The following KAZN variants were observed in gnomAD, a reference collection of about 807,000 sequenced individuals.
KAZN encodes kazrin, periplakin interacting protein.
Under a neutral mutation model 87.4 loss-of-function variants are expected in KAZN, and 40 were observed. The observed-to-expected ratio is 0.46, with a 90% CI of 0.36 to 0.60. The LOEUF (loss-of-function observed/expected upper bound fraction) is 0.60, where lower values mean the gene tolerates loss of function less well. KAZN is among the 20% of genes least tolerant of loss of function. KAZN has a pLI of 0.00. For missense variants in KAZN, 898 were observed against 1,073.9 expected (o/e 0.84, Z 2.29); for synonymous variants, 466 against 458.3 (o/e 1.02, Z -0.22).
intron 1 of KAZN, among the ~76,000 whole-genome samples, chr1:14,157,904 G>A (rs1645630553): frequency 6.6e-6 from 1 of 152,154 alleles, no homozygotes; most frequent in South Asian, 2.1e-4. Context: ...GAAGGGGAAA[G>A]AGCCCTTATA....
intron 1 of KAZN, among the ~76,000 whole-genome samples, chr1:14,091,410 G>C (rs975709907): frequency 1.3e-5 from 2 of 152,004 alleles, no homozygotes; most frequent in Admixed American, 6.6e-5. Flanking sequence ...GGAAACTGTT[G>C]CTATAAGTGT....
intron 2 of KAZN, among the ~76,000 whole-genome samples, chr1:14,425,145 G>A (rs764812761): frequency 2.6e-5 from 4 of 152,160 alleles, no homozygotes; most frequent in Non-Finnish European, 5.9e-5. Context: ...TTCATCAGAG[G>A]CCAACCTGAA....
At chr1:14,885,741 G>A (rs1373143804) in intron 1 of KAZN, among the ~76,000 whole-genome samples, 3 of 152,102 alleles carry the variant, frequency 2.0e-5, no homozygotes, top group Non-Finnish European at 4.4e-5. Context: ...CCCCGTTGTA[G>A]GTATCATGTC....
At chr1:13,989,437 C>T (rs1174497825) in intron 1 of KAZN, among the ~76,000 whole-genome samples, 3 of 152,048 alleles carry the variant, frequency 2.0e-5, no homozygotes, top group Non-Finnish European at 4.4e-5. Flanking sequence ...CACATGAGAC[C>T]AAAGTATAAT....
chr1:14,130,415 A>AT (rs1237331695), intron 1 of KAZN, among the ~76,000 whole-genome samples: 1 of 152,114 alleles, frequency 6.6e-6, no homozygotes, highest in Non-Finnish European at 1.5e-5. Context: ...TAATAAGCTG[A>AT]TTTTTTTATT....
At chr1:14,417,993 C>CAAAAAAAA (rs58803467) in intron 2 of KAZN, among the ~76,000 whole-genome samples, 5 of 33,814 alleles carry the variant, frequency 1.5e-4, no homozygotes, top group Non-Finnish European at 2.2e-4. Flanking sequence ...GAGACTGCCT[C>CAAAAAAAA]AAAAAAAAAA....
chr1:13,918,638 C>T (rs949470851), intron 1 of KAZN, among the ~76,000 whole-genome samples: 25 of 152,252 alleles, frequency 1.6e-4, no homozygotes, highest in African/African-American at 5.8e-4. Flanking sequence ...AACAGCATTG[C>T]ATCTTTCCTG....
At chr1:14,681,762 C>T (rs10927499) in intron 1 of KAZN, among the ~76,000 whole-genome samples, 67,110 of 136,130 alleles carry the variant, frequency 0.49, 16,887 homozygotes, top group South Asian at 0.61. Context: ...CTGCAAGCTC[C>T]GCCTCCCGCC....
intron 2 of KAZN, among the ~76,000 whole-genome samples, chr1:14,537,162 C>T (rs761276917): frequency 4.6e-5 from 7 of 152,170 alleles, no homozygotes; most frequent in Non-Finnish European, 8.8e-5. Context: ...AATAACCGTC[C>T]ACAGAGCCTG....
chr1:15,040,262 CT>C (rs61607200), intron 3 of KAZN, among the ~76,000 whole-genome samples: 21,512 of 152,234 alleles, frequency 0.14, 1,770 homozygotes, highest in Admixed American at 0.21. Flanking sequence ...AAATGTCCCC[CT>C]GGAACAGGAT....
intron 1 of KAZN, among the ~76,000 whole-genome samples, chr1:14,623,660 T>C (rs1209785175): frequency 1.3e-5 from 2 of 152,218 alleles, no homozygotes; most frequent in Admixed American, 6.5e-5. Context: ...ATCTCTCTTC[T>C]TTTCTAATAT....
At chr1:13,982,178 C>G (rs549269643) in intron 1 of KAZN, among the ~76,000 whole-genome samples, 1 of 152,216 alleles carries the variant, frequency 6.6e-6, no homozygotes, top group Admixed American at 6.5e-5. Flanking sequence ...TCTGCTCAGG[C>G]GGATCATGGA....
chr1:14,669,379 T>A (rs78576424), intron 1 of KAZN, among the ~76,000 whole-genome samples: 1 of 152,146 alleles, frequency 6.6e-6, no homozygotes, highest in Non-Finnish European at 1.5e-5. Flanking sequence ...CAAGGAACTA[T>A]CTGACCCCAA....
chr1:14,634,727 T>A (rs1308302094), intron 1 of KAZN, among the ~76,000 whole-genome samples: 1 of 151,974 alleles, frequency 6.6e-6, no homozygotes, highest in Non-Finnish European at 1.5e-5. Flanking sequence ...CTCCTGAGGG[T>A]CAAAAGGTGC....
At chr1:14,187,331 T>C (rs1646329570) in intron 2 of KAZN, among the ~76,000 whole-genome samples, 1 of 152,170 alleles carries the variant, frequency 6.6e-6, no homozygotes, top group Non-Finnish European at 1.5e-5. Flanking sequence ...AATTTTAATA[T>C]GTTGATACAT....
chr1:14,698,603 TC>T (rs1641748835), intron 1 of KAZN, among the ~76,000 whole-genome samples: 1 of 152,220 alleles, frequency 6.6e-6, no homozygotes, highest in Non-Finnish European at 1.5e-5. Flanking sequence ...TTGGAGCTAT[TC>T]TTTTGTAGCT....
intron 2 of KAZN, among the ~76,000 whole-genome samples, chr1:14,361,991 G>C (rs1023497076): frequency 2.0e-5 from 3 of 152,242 alleles, no homozygotes; most frequent in African/African-American, 2.4e-5. Flanking sequence ...ATGGGAACAA[G>C]GAAAGGTCCT....
At chr1:14,813,879 G>T (rs573450302) in intron 1 of KAZN, among the ~76,000 whole-genome samples, 1 of 152,330 alleles carries the variant, frequency 6.6e-6, no homozygotes. Context: ...CATTTGGGTT[G>T]CTGTCCAGTG....
At chr1:14,575,383 G>C (rs1557810473) in intron 2 of KAZN, among the ~76,000 whole-genome samples, 1 of 152,148 alleles carries the variant, frequency 6.6e-6, no homozygotes. Flanking sequence ...GCAGACAAGA[G>C]AGAATGAGAG....
Sources: gnomAD v4.1 joint callset for allele counts (sites outside exome capture counted in the v4.1 genomes callset) on GRCh38, gnomAD v4.1.1 for gene constraint, MANE v1.5 for transcripts, NCBI Gene and HGNC (gene_info 2026-07-23, HGNC 2026-07-21) for gene names.